The following PACS1 variants were observed in gnomAD, a reference collection of about 807,000 sequenced individuals.
PACS1 encodes the protein PACS-1.
Under a neutral mutation model 115.0 loss-of-function variants are expected in PACS1, and 24 were observed. The observed-to-expected ratio is 0.21, with a 90% CI of 0.15 to 0.29. The LOEUF (loss-of-function observed/expected upper bound fraction) is 0.29, where lower values mean the gene tolerates loss of function less well. Ranked by LOEUF, PACS1 falls within the 10% of genes least tolerant of loss-of-function variation. The pLI, the probability that PACS1 is intolerant of heterozygous loss-of-function variation, is 1.00. For missense variants in PACS1, 838 were observed against 1,251.2 expected (o/e 0.67, Z 4.98); for synonymous variants, 453 against 504.5 (o/e 0.90, Z 1.37).
At position 66,091,419 on chromosome 11, in the gene PACS1, G is replaced by A. The variant is rs554866281; in HGVS notation, c.356+20577G>A. The stretch of plus-strand genomic sequence containing the variant: ...GCCTCCCAAAGTGCTAGGATTACAG[G>A]CATGAGCCACCACGCCCAGCCTGGT... On this transcript the variant is annotated intron_variant, in intron 1 of 23. Coordinates refer to ENST00000320580, the MANE Select transcript of PACS1 (RefSeq NM_018026.4). Among the ~76,000 whole-genome samples, 9 of 152,054 alleles carry A rather than the reference G, an allele frequency of 5.9e-5. No individual in the cohort carries two copies. In the South Asian group the frequency reaches 1.2e-3, roughly 21 times the overall value.
chr11:66,097,350 G>A (rs1326193029), intron 1 of PACS1, among the ~76,000 whole-genome samples: 1 of 152,138 alleles, frequency 6.6e-6, no homozygotes, highest in Admixed American at 6.5e-5. Context: ...GCTGGCTTTG[G>A]TGCTGTGTTG....
In PACS1 at chr11:66,070,835, G is replaced by T. The variant is rs1324698429; in HGVS notation, c.349G>T (p.Val117Leu). 3 of 1,486,628 alleles carry T rather than the reference G, an allele frequency of 2.0e-6. No individual in the cohort carries two copies. The highest frequency in any genetic ancestry group is 1.8e-6 in the Non-Finnish European group (2 of 1,125,314). The allele number at this position is 1,486,628 out of a possible 1,614,324, so 92.1% of individuals were successfully genotyped here. Residue 117 changes from valine to leucine, a missense_variant, in exon 1 of 24, where the codon GTG (valine) becomes TTG (leucine). By Grantham distance (32) the Val-to-Leu change is conservative. Around this residue, in one of 6 missense-constraint regions of PACS1, gnomAD observed 223 missense variants for 354.0 expected, o/e 0.63. Transcript: ENST00000320580. This position sits in a 1 kb window ranked among gnomAD's most constrained non-coding sequence, Gnocchi z 5.9. Reference sequence around the variant, plus strand: ...GGTGGACCGGAGCTCGTCCAGCTGCGTGCCTAGGTGAGCGCGGGAGGGTGC... The same window carrying T: ...GGTGGACCGGAGCTCGTCCAGCTGCTTGCCTAGGTGAGCGCGGGAGGGTGC... Reference protein sequence around the residue: ...WEVDRSSSSCVPRLFSLTLKK... With the variant: ...WEVDRSSSSCLPRLFSLTLKK...
chr11:66,112,771 T>C (rs1167142437), intron 1 of PACS1, among the ~76,000 whole-genome samples: 2 of 152,210 alleles, frequency 1.3e-5, no homozygotes, highest in African/African-American at 4.8e-5. Flanking sequence ...CAAAAGCCTC[T>C]GGTGCCTTGC....
At chr11:66,095,931 T>C (rs1862005) in intron 1 of PACS1, among the ~76,000 whole-genome samples, 31,493 of 151,658 alleles carry the variant, frequency 0.21, 3,326 homozygotes, top group Middle Eastern at 0.29. Flanking sequence ...TGTAATTTCT[T>C]CTTTTTTTTT....
chr11:66,081,418 G>C (rs1428415662), intron 1 of PACS1, among the ~76,000 whole-genome samples: 1 of 151,024 alleles, frequency 6.6e-6, no homozygotes, highest in African/African-American at 2.4e-5. Flanking sequence ...CGTCTTCCCT[G>C]CCCCCCCCAA....
chr11:66,219,024 T>C lies in PACS1; in HGVS notation c.979-722T>C, dbSNP rs180716295. Among the ~76,000 whole-genome samples the C allele has an allele frequency of 3.2e-4, 48 of 152,174 alleles. 2 individuals carry two copies. Among genetic ancestry groups the C allele is most frequent in the African/African-American group, 1.1e-3 (46 of 41,510 alleles). ...ACGTACAGGCCTGACTGCTGAGCTC[T>C]GTTCAAGTAGTGGAGGCCAATGAAG... is the stretch of plus-strand genomic sequence containing the variant. On this transcript the variant is annotated intron_variant, in intron 7 of 23. Transcript: ENST00000320580.
At chr11:66,151,332 C>T (rs1859233058) in intron 1 of PACS1, among the ~76,000 whole-genome samples, 1 of 152,004 alleles carries the variant, frequency 6.6e-6, no homozygotes. Context: ...TGAAGCCTTA[C>T]TGGCTTGGGG....
intron 1 of PACS1, among the ~76,000 whole-genome samples, chr11:66,187,134 G>A (rs1287337291): frequency 6.6e-6 from 1 of 152,122 alleles, no homozygotes; most frequent in African/African-American, 2.4e-5. Context: ...GTTGTTTCCA[G>A]TATAGGACCA....
intron 1 of PACS1, among the ~76,000 whole-genome samples, chr11:66,153,578 G>A (rs1269018207): frequency 2.6e-5 from 4 of 152,044 alleles, no homozygotes; most frequent in African/African-American, 7.2e-5. Flanking sequence ...TTGGGAGATC[G>A]AGACCATCCT....
chr11:66,070,980 G>T lies in PACS1; in HGVS notation c.356+138G>T. ...CGCGGCCCGGCCTGGCTCCAGCCAGGCCTCCCGGGACTCCTGCCACGGGGA... is the reference window on the plus strand; with the variant it reads ...CGCGGCCCGGCCTGGCTCCAGCCAGTCCTCCCGGGACTCCTGCCACGGGGA... On this transcript the variant is annotated intron_variant, in intron 1 of 23. Transcript: ENST00000320580. The surrounding 1 kb of genome is among the most constrained non-coding windows in gnomAD (Gnocchi z 5.9). 1 of 927,234 alleles carries T rather than the reference G, an allele frequency of 1.1e-6. No individual in the cohort carries two copies. 57.4% of individuals were successfully genotyped at this position (927,234 alleles called of 1,614,324 possible). A position where few individuals can be genotyped will look rare whatever the true frequency, so the allele number is the denominator to read the frequency against.
intron 13 of PACS1, 149 bp downstream of exon 13, chr11:66,231,089 T>C (rs1855582776): frequency 1.0e-6 from 1 of 990,828 alleles, no homozygotes; most frequent in Admixed American, 2.1e-5. Flanking sequence ...AAGACTAAAT[T>C]AGAGAGGTCT....
rs553017185 is a variant in PACS1 at position 66,160,322 on chromosome 11, A to T, written c.357-33164A>T. Among the ~76,000 whole-genome samples, 8 of 152,318 alleles carry T rather than the reference A, an allele frequency of 5.3e-5. No individual in the cohort carries two copies. In the East Asian group the frequency reaches 1.5e-3, roughly 29 times the overall value. Reference sequence around the variant, plus strand: ...CAGTTTTCTCAAATATAAAATAAAGATTATAATTGTTTTGAAGATTAAATT... The same window carrying T: ...CAGTTTTCTCAAATATAAAATAAAGTTTATAATTGTTTTGAAGATTAAATT... On this transcript the variant is annotated intron_variant, in intron 1 of 23. Coordinates refer to ENST00000320580, the MANE Select transcript of PACS1 (RefSeq NM_018026.4).
chr11:66,149,334 C>A (rs1394777268), intron 1 of PACS1, among the ~76,000 whole-genome samples: 1 of 151,984 alleles, frequency 6.6e-6, no homozygotes, highest in African/African-American at 2.4e-5. Flanking sequence ...TCAGGTGATG[C>A]GCCTGCCTCG....
intron 1 of PACS1, among the ~76,000 whole-genome samples, chr11:66,120,650 A>G (rs750538487): frequency 2.0e-5 from 3 of 152,160 alleles, no homozygotes; most frequent in Non-Finnish European, 2.9e-5. Context: ...TGGCTTTGCC[A>G]TTTACTTACT....
At chr11:66,224,625 C>T (rs926423052) in intron 10 of PACS1, among the ~76,000 whole-genome samples, 3 of 152,272 alleles carry the variant, frequency 2.0e-5, no homozygotes, top group East Asian at 3.9e-4. Context: ...CCCTTGGCCA[C>T]GTTTCAGACT....
chr11:66,105,180 T>A (rs1171321777), intron 1 of PACS1, among the ~76,000 whole-genome samples: 1 of 152,108 alleles, frequency 6.6e-6, no homozygotes, highest in Non-Finnish European at 1.5e-5. Context: ...TCCCAACACT[T>A]TGGGAGGCCG....
At chr11:66,159,625 G>A (rs1399255139) in intron 1 of PACS1, among the ~76,000 whole-genome samples, 1 of 152,078 alleles carries the variant, frequency 6.6e-6, no homozygotes, top group East Asian at 1.9e-4. Flanking sequence ...GGAGCGGGTG[G>A]TATTTGCTGA....
At chr11:66,107,848 C>T (rs1248712471) in intron 1 of PACS1, among the ~76,000 whole-genome samples, 9 of 152,208 alleles carry the variant, frequency 5.9e-5, no homozygotes, top group Admixed American at 5.9e-4. Context: ...AACAGTGTTT[C>T]ACTCTTGGAG....
chr11:66,216,001 T>C (rs1855198969), intron 4 of PACS1, 118 bp from the exon 5 acceptor site: 1 of 754,460 alleles, frequency 1.3e-6, no homozygotes, highest in Admixed American at 2.7e-5. Flanking sequence ...GATTTGAAAG[T>C]AAGGAAGAAA....
Sources: allele counts gnomAD v4.1 joint callset (sites outside exome capture counted in the v4.1 genomes callset), GRCh38; gene constraint gnomAD v4.1.1; regional missense constraint gnomAD v4.1.1; non-coding constraint Gnocchi (gnomAD v3.1); transcripts MANE v1.5; gene names NCBI Gene and HGNC (gene_info 2026-07-23, HGNC 2026-07-21).